NHSL1: variants seen among roughly 807,000 people sequenced by gnomAD.
The protein encoded by NHSL1 is NHS-like protein 1.
In NHSL1, 48 loss-of-function variants were observed where a neutral mutation model predicts 95.0. The observed-to-expected ratio is 0.51, with a 90% CI of 0.40 to 0.64. NHSL1 has a LOEUF of 0.64. Ranked by LOEUF, NHSL1 falls within the 30% of genes least tolerant of loss-of-function variation. The pLI is 0.00. For missense variants in NHSL1, 1,971 were observed against 2,077.7 expected (o/e 0.95, Z 1.00); for synonymous variants, 783 against 833.9 (o/e 0.94, Z 1.05).
rs1202687511 is a variant in NHSL1 at position 138,437,445 on chromosome 6, CAAAAAAAAA to C, written c.665-3774_665-3766del. ...ACACACACACACACACACACACACACAAAAAAAAAAAAAAAAAATACAATGCACCTAGTC... is the reference window on the plus strand; with the variant it reads ...ACACACACACACACACACACACACACAAAAAAAAATACAATGCACCTAGTC... On this transcript the variant is annotated intron_variant, in intron 5 of 7. Transcript: ENST00000343505. 1.3e-3 allele frequency among the ~76,000 whole-genome samples: 82 copies of C among 61,808 alleles called. 3 individuals are homozygous for C. Among genetic ancestry groups the C allele is most frequent in the African/African-American group, 5.2e-3 (82 of 15,846 alleles). 40.5% of individuals were successfully genotyped at this position (61,808 alleles called of 152,430 possible).
chr6:138,499,223 A>G lies in NHSL1; in HGVS notation c.58+10T>C, dbSNP rs149485482. 3.1e-4 allele frequency: 471 copies of G among 1,519,700 alleles called. 2 individuals are homozygous for G. In the African/African-American group the frequency reaches 5.6e-3, roughly 18 times the overall value. The allele number at this position is 1,519,700 out of a possible 1,614,324, so 94.1% of individuals were successfully genotyped here. ...CACAATAGGTAGTAGAGAGAAAAGG[A>G]ACTACTTACTTTTCTTCTTAAAAAG... On this transcript the variant is annotated intron_variant, in intron 1 of 7. Transcript: ENST00000343505.
At chr6:138,584,605 G>A (rs1405425845) in intron 1 of NHSL1, among the ~76,000 whole-genome samples, 1 of 152,138 alleles carries the variant, frequency 6.6e-6, no homozygotes, top group Admixed American at 6.5e-5. Flanking sequence ...AGAACAAAAG[G>A]CCTAAAGAAC....
chr6:138,585,888 A>G (rs2114505560), intron 1 of NHSL1, among the ~76,000 whole-genome samples: 1 of 151,846 alleles, frequency 6.6e-6, no homozygotes, highest in East Asian at 2.0e-4. Flanking sequence ...ACAAAAAAAA[A>G]AAAAACTTAA....
At position 138,437,335 on chromosome 6, in the gene NHSL1, T is replaced by TATATACAC. The variant is rs1776193887; in HGVS notation, c.665-3656_665-3655insGTGTATAT. Among the ~76,000 whole-genome samples, 23 of 57,618 alleles carry TATATACAC rather than the reference T, an allele frequency of 4.0e-4. 2 individuals are homozygous for TATATACAC. Among genetic ancestry groups the TATATACAC allele is most frequent in the Admixed American group, 3.8e-3 (20 of 5,278 alleles). 37.8% of individuals were successfully genotyped at this position (57,618 alleles called of 152,430 possible). On this transcript the variant is annotated intron_variant, in intron 5 of 7. Transcript: ENST00000343505. Reference sequence around the variant, plus strand: ...ATATATATATACACACACACATATATATATATACACATATATATATACACA... The same window carrying TATATACAC: ...ATATATATATACACACACACATATATATATACACATATATACACATATATATATACACA...
intron 2 of NHSL1, among the ~76,000 whole-genome samples, chr6:138,493,414 AAGAAAAGC>A (rs1780183505): frequency 6.6e-6 from 1 of 152,262 alleles, no homozygotes; most frequent in African/African-American, 2.4e-5. Flanking sequence ...CATATTCAAA[AAGAAAAGC>A]AGAAATGCCT....
intron 3 of NHSL1, among the ~76,000 whole-genome samples, chr6:138,469,771 C>CA (rs1306109407): frequency 6.6e-6 from 1 of 151,964 alleles, no homozygotes; most frequent in Non-Finnish European, 1.5e-5. Flanking sequence ...AACAAAAACA[C>CA]AAAAAACAGA....
chr6:138,471,905 G>A lies in NHSL1; in HGVS notation c.339+1401C>T, dbSNP rs201199275. On this transcript the variant is annotated intron_variant, in intron 3 of 7. Coordinates refer to ENST00000343505, the MANE Select transcript of NHSL1 (RefSeq NM_001144060.2). ...ATTAATTACAAAATGTAGACCAGGC[G>A]CGGTGACTCATGCCTGTAATCCCAG... Among the ~76,000 whole-genome samples, 7 of 152,094 alleles carry A rather than the reference G, an allele frequency of 4.6e-5. No homozygotes were observed. The East Asian group carries it at 5.8e-4, about 13-fold the overall frequency.
intron 1 of NHSL1, among the ~76,000 whole-genome samples, chr6:138,521,283 G>C (rs1365899559): frequency 5.3e-5 from 8 of 152,074 alleles, no homozygotes; most frequent in Admixed American, 5.2e-4. Flanking sequence ...AACATAGTGA[G>C]ACCCCCATCT....
At chr6:138,674,319 G>T (rs1436193193) in intron 1 of NHSL1, among the ~76,000 whole-genome samples, 3 of 150,726 alleles carry the variant, frequency 2.0e-5, no homozygotes, top group Non-Finnish European at 4.4e-5. Flanking sequence ...TTTATTGTGT[G>T]TTTTTTTTTA....
At chr6:138,512,622 C>T (rs1781285744) in intron 1 of NHSL1, 1 of 189,616 alleles carries the variant, frequency 5.3e-6, no homozygotes, top group Admixed American at 6.1e-5. Context: ...TATAATTCGA[C>T]TTAGAATGCA....
At chr6:138,686,906 A>C (rs1785591693) in intron 1 of NHSL1, among the ~76,000 whole-genome samples, 1 of 152,132 alleles carries the variant, frequency 6.6e-6, no homozygotes, top group South Asian at 2.1e-4. Context: ...GCAGTTCTTA[A>C]AGTTAGTCAA....
In NHSL1 at chr6:138,431,104, C is replaced by G. The variant is rs3734305; in HGVS notation, c.3241G>C (p.Val1081Leu). The change falls in exon 6 of 8, where the codon GTG becomes CTG. Residue 1081 changes from valine to leucine, a missense_variant. Val to Leu is a conservative substitution (Grantham distance 32). Coordinates refer to ENST00000343505, the MANE Select transcript of NHSL1 (RefSeq NM_001144060.2). This position sits in a 1 kb window ranked among gnomAD's most constrained non-coding sequence, Gnocchi z 4.0. ...GCCTCAGCGCCTGAGTTCTTTCTCACGGGCCTCAACTGCACCATCTGCAAT... is the reference window on the plus strand; with the variant it reads ...GCCTCAGCGCCTGAGTTCTTTCTCAGGGGCCTCAACTGCACCATCTGCAAT... ...EALQMVQLRPVRKNSGAEAAQ... is the reference protein window; with the variant it reads ...EALQMVQLRPLRKNSGAEAAQ... The G allele has an allele frequency of 2.6e-6, 4 of 1,551,844 alleles. No individual in the cohort carries two copies. The highest frequency in any genetic ancestry group is 3.9e-5 in the Admixed American group (2 of 51,010).
intron 1 of NHSL1, among the ~76,000 whole-genome samples, chr6:138,661,249 G>A (rs1785223550): frequency 6.6e-6 from 1 of 152,102 alleles, no homozygotes; most frequent in Non-Finnish European, 1.5e-5. Flanking sequence ...AACTGAAACT[G>A]TATACCCTTT....
intron 1 of NHSL1, among the ~76,000 whole-genome samples, chr6:138,682,796 C>A (rs1436197385): frequency 6.6e-6 from 1 of 152,212 alleles, no homozygotes; most frequent in African/African-American, 2.4e-5. Context: ...GACTCAGAAT[C>A]TCCAGGGGCG....
intron 1 of NHSL1, among the ~76,000 whole-genome samples, chr6:138,660,359 G>A (rs554478807): frequency 1.7e-4 from 26 of 152,130 alleles, no homozygotes; most frequent in South Asian, 6.2e-4. Flanking sequence ...GAATATTTAA[G>A]GAATCAAACT....
At chr6:138,617,383 C>A (rs1784594605) in intron 1 of NHSL1, among the ~76,000 whole-genome samples, 1 of 152,128 alleles carries the variant, frequency 6.6e-6, no homozygotes, top group Non-Finnish European at 1.5e-5. Flanking sequence ...ATTCTCCACG[C>A]CCTAATGAAA....
chr6:138,519,937 C>G (rs1382382835), intron 1 of NHSL1, among the ~76,000 whole-genome samples: 1 of 152,102 alleles, frequency 6.6e-6, no homozygotes, highest in African/African-American at 2.4e-5. Flanking sequence ...TTTTCCTACT[C>G]CCTCTCAACC....
intron 1 of NHSL1, among the ~76,000 whole-genome samples, chr6:138,667,444 T>C (rs1785309266): frequency 6.6e-6 from 1 of 152,202 alleles, no homozygotes; most frequent in African/African-American, 2.4e-5. Context: ...TTCATGTCAA[T>C]GAAACTGCTG....
intron 1 of NHSL1, among the ~76,000 whole-genome samples, chr6:138,610,965 C>T (rs534073757): frequency 1.3e-5 from 2 of 152,184 alleles, no homozygotes; most frequent in African/African-American, 4.8e-5. Context: ...GTAATTCCAG[C>T]TACTCAGGAG....
Sources: gnomAD v4.1 joint callset for allele counts (sites outside exome capture counted in the v4.1 genomes callset) on GRCh38, gnomAD v4.1.1 for gene constraint, Gnocchi (gnomAD v3.1) non-coding constraint, MANE v1.5 for transcripts, NCBI Gene and HGNC (gene_info 2026-07-23, HGNC 2026-07-21) for gene names.